The following TMEM131L variants were observed in gnomAD, a reference collection of about 807,000 sequenced individuals.
TMEM131L encodes transmembrane protein 131-like.
In TMEM131L, 54 loss-of-function variants were observed where a neutral mutation model predicts 192.2. That is an observed-to-expected ratio of 0.28 (90% CI 0.23 to 0.35). TMEM131L has a LOEUF of 0.35. Among genes scored for constraint, TMEM131L ranks in the 10% least tolerant of loss-of-function variants. The pLI is 1.00. For synonymous variants in TMEM131L, 701 were observed against 704.9 expected, an observed-to-expected ratio of 0.99 and a Z score of 0.09; for missense variants, 1,888 against 1,972.9, an observed-to-expected ratio of 0.96 and a Z score of 0.82.
intron 3 of TMEM131L, among the ~76,000 whole-genome samples, chr4:153,526,125 G>A (rs1404678556): frequency 6.6e-6 from 1 of 152,068 alleles, no homozygotes. Flanking sequence ...CCAAAGTACT[G>A]GGATTACAGG....
chr4:153,544,941 A>T (rs1737060391), intron 3 of TMEM131L, among the ~76,000 whole-genome samples: 1 of 151,958 alleles, frequency 6.6e-6, no homozygotes, highest in Non-Finnish European at 1.5e-5. Context: ...CCTGCCTCTC[A>T]CTCTGGGGAG....
chr4:153,621,596 C>T, intron 27 of TMEM131L, 87 bp from the exon 28 acceptor site: 3 of 1,370,756 alleles, frequency 2.2e-6, no homozygotes, highest in Non-Finnish European at 3.0e-6. Flanking sequence ...CATATTTTCA[C>T]CTCTAATAAG....
At chr4:153,548,400 GT>G (rs1561181035) in intron 3 of TMEM131L, among the ~76,000 whole-genome samples, 1 of 152,194 alleles carries the variant, frequency 6.6e-6, no homozygotes, top group African/African-American at 2.4e-5. Flanking sequence ...TGCGTCCCGG[GT>G]TCATGCTATT....
At chr4:153,526,004 G>C (rs946520255) in intron 3 of TMEM131L, among the ~76,000 whole-genome samples, 1 of 151,978 alleles carries the variant, frequency 6.6e-6, no homozygotes, top group Admixed American at 6.6e-5. Flanking sequence ...CTACAGGCAC[G>C]CACTACTGCA....
At chr4:153,491,083 AATAGGCTT>A (rs1396968844) in intron 3 of TMEM131L, among the ~76,000 whole-genome samples, 2 of 152,182 alleles carry the variant, frequency 1.3e-5, no homozygotes, top group African/African-American at 4.8e-5. Flanking sequence ...TGGCATGTGG[AATAGGCTT>A]TATGGACACA....
chr4:153,632,204 G>A (rs145578523), intron 31 of TMEM131L, among the ~76,000 whole-genome samples: 4,963 of 152,154 alleles, frequency 0.033, 160 homozygotes, highest in African/African-American at 0.079. Flanking sequence ...TCCCAGTTAC[G>A]CAGGAGGCTG....
intron 3 of TMEM131L, among the ~76,000 whole-genome samples, chr4:153,548,024 T>TC (rs1737319655): frequency 7.1e-6 from 1 of 139,866 alleles, no homozygotes; most frequent in Non-Finnish European, 1.5e-5. Flanking sequence ...GCCTGTTTTT[T>TC]TTTTTCTTCT....
At position 153,627,673 on chromosome 4, in the gene TMEM131L, T is replaced by A. The variant is rs1400225061; in HGVS notation, c.4193T>A (p.Val1398Asp). ...CPSLPAGPTGVEEDKGLYSPG... is the reference protein window; with the variant it reads ...CPSLPAGPTGDEEDKGLYSPG... ...AGCCTTCCTGCCGGGCCCACAGGTG[T>A]TGAAGAAGATAAAGGTGAGATGCAT... is the stretch of plus-strand genomic sequence containing the variant. The change falls in exon 31 of 35, where the codon GTT becomes GAT. Residue 1398 changes from valine to aspartate, a missense_variant. Physicochemically the swap from Val to Asp is radical, Grantham distance 152. Transcript: ENST00000409959. 1 of 1,613,310 alleles carries A rather than the reference T, an allele frequency of 6.2e-7. No homozygotes were observed. The highest frequency in any genetic ancestry group is 1.3e-5 in the African/African-American group (1 of 74,888).
intron 21 of TMEM131L, among the ~76,000 whole-genome samples, chr4:153,601,045 G>A (rs547313160): frequency 6.7e-6 from 1 of 149,978 alleles, no homozygotes; most frequent in Admixed American, 6.7e-5. Context: ...GGAAGGTAGA[G>A]TTTGCAGTGA....
At chr4:153,474,852 G>T (rs549228392) in intron 3 of TMEM131L, among the ~76,000 whole-genome samples, 1 of 152,070 alleles carries the variant, frequency 6.6e-6, no homozygotes, top group Non-Finnish European at 1.5e-5. Flanking sequence ...CACCGCACTC[G>T]GTCCTGTGAA....
chr4:153,550,618 T>G (rs138772285), intron 4 of TMEM131L, among the ~76,000 whole-genome samples: 1,692 of 152,282 alleles, frequency 0.011, 26 homozygotes, highest in African/African-American at 0.038. Context: ...GAGCCACCAC[T>G]CCTGGCCTTC....
chr4:153,482,378 G>T (rs1272628511), intron 3 of TMEM131L, among the ~76,000 whole-genome samples: 1 of 152,080 alleles, frequency 6.6e-6, no homozygotes, highest in Non-Finnish European at 1.5e-5. Flanking sequence ...ATACAATACA[G>T]ATTTTTAAAC....
intron 3 of TMEM131L, among the ~76,000 whole-genome samples, chr4:153,514,255 G>A (rs1734555012): frequency 6.6e-6 from 1 of 152,254 alleles, no homozygotes; most frequent in South Asian, 2.1e-4. Context: ...TTCACATAAA[G>A]ATCATTGTGT....
intron 4 of TMEM131L, among the ~76,000 whole-genome samples, chr4:153,551,369 T>C (rs1737607820): frequency 6.6e-6 from 1 of 152,016 alleles, no homozygotes; most frequent in African/African-American, 2.4e-5. Context: ...ATTTTTTTTT[T>C]TTTTTTGAGA....
chr4:153,532,445 T>TA (rs111602283), intron 3 of TMEM131L, among the ~76,000 whole-genome samples: 21,017 of 148,190 alleles, frequency 0.14, 1,776 homozygotes, highest in Middle Eastern at 0.22. Context: ...TGCTTTTTTT[T>TA]TAAAAAAAAA....
At chr4:153,605,048 T>G (rs112091507) in intron 25 of TMEM131L, among the ~76,000 whole-genome samples, 4,978 of 152,258 alleles carry the variant, frequency 0.033, 287 homozygotes, top group African/African-American at 0.11. Context: ...CTGTAAAAAT[T>G]AATCAGCCCA....
At position 153,467,201 on chromosome 4, in the gene TMEM131L, G is replaced by A; in HGVS notation, c.125-10G>A. The A allele has an allele frequency of 6.4e-7, 1 of 1,551,674 alleles. No individual in the cohort carries two copies. The highest frequency in any genetic ancestry group is 8.7e-7 in the Non-Finnish European group (1 of 1,146,912). ...TTAAAAACGTGGTGTATTTTTTGGT[G>A]TTCCTGCAGCGATTGAGCCGTTGCC... is the stretch of plus-strand genomic sequence containing the variant. On this transcript the variant is annotated splice_polypyrimidine_tract_variant and intron_variant, in intron 1 of 34. Coordinates refer to ENST00000409959, the MANE Select transcript of TMEM131L (RefSeq NM_001131007.2).
intron 3 of TMEM131L, among the ~76,000 whole-genome samples, chr4:153,492,194 T>G (rs550253669): frequency 6.6e-6 from 1 of 152,194 alleles, no homozygotes; most frequent in Non-Finnish European, 1.5e-5. Context: ...AAGAAGGTTT[T>G]TAAAAGATGG....
chr4:153,521,583 AGTATACCCAT>A (rs1735115092), intron 3 of TMEM131L, among the ~76,000 whole-genome samples: 1 of 152,172 alleles, frequency 6.6e-6, no homozygotes, highest in Non-Finnish European at 1.5e-5. Context: ...AGTGGCGTTA[AGTATACCCAT>A]GTTACAGAGC....
Sources: allele counts gnomAD v4.1 joint callset (sites outside exome capture counted in the v4.1 genomes callset), GRCh38; gene constraint gnomAD v4.1.1; transcripts MANE v1.5; gene names NCBI Gene and HGNC (gene_info 2026-07-23, HGNC 2026-07-21).